The following ADGB variants were observed in gnomAD, a reference collection of about 807,000 sequenced individuals.
The protein encoded by ADGB is androglobin, also known as calpain-7-like protein.
Under a neutral mutation model 210.5 loss-of-function variants are expected in ADGB, and 172 were observed. That is an observed-to-expected ratio of 0.82 (90% CI 0.72 to 0.93). The LOEUF is 0.93. Among genes scored for constraint, ADGB ranks in the 40% least tolerant of loss-of-function variants. ADGB has a pLI of 0.00. For missense variants in ADGB, 2,025 were observed against 1,964.8 expected (o/e 1.03, Z -0.58); for synonymous variants, 658 against 662.7 (o/e 0.99, Z 0.11).
chr6:146,670,555 C>G (rs1775992757), intron 7 of ADGB, among the ~76,000 whole-genome samples: 1 of 152,188 alleles, frequency 6.6e-6, no homozygotes, highest in Non-Finnish European at 1.5e-5. Flanking sequence ...ACTCCTTAGA[C>G]AGGCCTAGTT....
At chr6:146,802,968 T>G (rs1411780341) in intron 35 of ADGB, 10 of 1,609,930 alleles carry the variant, frequency 6.2e-6, no homozygotes, top group East Asian at 2.2e-5. Context: ...CCACCACCTT[T>G]TAATGACTGC....
chr6:146,635,498 T>A lies in ADGB; in HGVS notation c.198T>A (p.Gly66=), dbSNP rs541248804. The A allele has an allele frequency of 3.9e-6, 6 of 1,547,496 alleles. No homozygotes were observed. The highest frequency in any genetic ancestry group is 8.7e-7 in the Non-Finnish European group (1 of 1,144,882). The part of the protein sequence containing the change: ...INSEKWDAGK[G]AKEKDKTGKS... Reference sequence around the variant, plus strand: ...CAGAAAAGTGGGATGCAGGCAAAGGTGCAAAAGAAAAGGACAAAACAGGAA... The same window carrying A: ...CAGAAAAGTGGGATGCAGGCAAAGGAGCAAAAGAAAAGGACAAAACAGGAA... Residue 66 remains glycine, a synonymous_variant, in exon 2 of 36, where the codon GGT becomes GGA. Coordinates refer to ENST00000397944, the MANE Select transcript of ADGB (RefSeq NM_024694.4).
intron 8 of ADGB, among the ~76,000 whole-genome samples, chr6:146,674,558 G>A (rs1169793515): frequency 6.6e-6 from 1 of 152,168 alleles, no homozygotes; most frequent in African/African-American, 2.4e-5. Flanking sequence ...AACGGGTTTG[G>A]TAGGAGAAGA....
chr6:146,624,756 A>G (rs1341957234), intron 1 of ADGB, among the ~76,000 whole-genome samples: 2 of 151,856 alleles, frequency 1.3e-5, no homozygotes, highest in African/African-American at 4.8e-5. Context: ...GTGGCATTCC[A>G]CAAATTTTAA....
chr6:146,779,538 A>G (rs967175567), intron 29 of ADGB, among the ~76,000 whole-genome samples: 2 of 152,198 alleles, frequency 1.3e-5, no homozygotes, highest in African/African-American at 2.4e-5. Context: ...AACTCTCTAA[A>G]GCAAGGAATC....
chr6:146,608,837 A>G (rs1304372247), intron 1 of ADGB, among the ~76,000 whole-genome samples: 1 of 151,986 alleles, frequency 6.6e-6, no homozygotes, highest in Non-Finnish European at 1.5e-5. Context: ...GGGAGAATGT[A>G]TTTTCTGTTT....
chr6:146,787,299 C>G (rs2114649718), intron 32 of ADGB, among the ~76,000 whole-genome samples: 1 of 152,272 alleles, frequency 6.6e-6, no homozygotes, highest in East Asian at 1.9e-4. Context: ...CTAAAGTCCT[C>G]CTCGTTTGTT....
chr6:146,708,027 T>C (rs1191869002), intron 13 of ADGB, among the ~76,000 whole-genome samples: 5 of 152,130 alleles, frequency 3.3e-5, no homozygotes, highest in Admixed American at 3.3e-4. Context: ...GCTTACATCT[T>C]ATGGCTGTAA....
At chr6:146,676,239 G>A in intron 8 of ADGB, 74 bp from the exon 9 acceptor site, 1 of 1,331,564 alleles carries the variant, frequency 7.5e-7, no homozygotes, top group Non-Finnish European at 9.9e-7. Context: ...TTTTCTTTAA[G>A]ACAATGACTG....
intron 35 of ADGB, among the ~76,000 whole-genome samples, chr6:146,808,590 T>C (rs1233046381): frequency 6.6e-6 from 1 of 152,252 alleles, no homozygotes; most frequent in Non-Finnish European, 1.5e-5. Context: ...ACACTTCTAA[T>C]TCATGACTAT....
chr6:146,647,112 C>A (rs9497588), intron 3 of ADGB, among the ~76,000 whole-genome samples: 1,706 of 128,836 alleles, frequency 0.013, 34 homozygotes, highest in African/African-American at 0.038. Flanking sequence ...AAACAAAAAA[C>A]AAAAAACAAA....
In ADGB at chr6:146,656,887, C is replaced by G; in HGVS notation, c.519C>G (p.Pro173=). 6.4e-7 allele frequency: 1 copy of G among 1,551,496 alleles called. No homozygotes were observed. Among genetic ancestry groups the G allele is most frequent in the Non-Finnish European group, 8.7e-7 (1 of 1,146,784 alleles). Residue 173 remains proline, a synonymous_variant, in exon 5 of 36, where the codon CCC becomes CCG. Coordinates refer to ENST00000397944, the MANE Select transcript of ADGB (RefSeq NM_024694.4). ...AACCTCCTCTTCTCCCCTGGAAGCC[C>G]TGGGAACACATATACTCTCTGTGCA... ...SGEPPLLPWK[P]WEHIYSLCKA... is the part of the protein sequence containing the mutation.
chr6:146,649,318 T>TA (rs1024472782), intron 3 of ADGB, among the ~76,000 whole-genome samples: 25 of 151,760 alleles, frequency 1.6e-4, no homozygotes, highest in East Asian at 3.9e-4. Context: ...TTATTTGTTT[T>TA]AAAAAAAAGT....
chr6:146,814,941 G>A, intron 35 of ADGB, 91 bp from the exon 36 acceptor site: 1 of 1,290,100 alleles, frequency 7.8e-7, no homozygotes, highest in Admixed American at 3.0e-5. Flanking sequence ...GTGGGCGTAA[G>A]GACAGGGTAA....
intron 8 of ADGB, among the ~76,000 whole-genome samples, chr6:146,675,315 A>G (rs1242824166): frequency 6.6e-6 from 1 of 152,072 alleles, no homozygotes; most frequent in African/African-American, 2.4e-5. Context: ...AAAAGAAAAG[A>G]AAAAGAAAAA....
chr6:146,719,365 C>A (rs189653688), intron 16 of ADGB, among the ~76,000 whole-genome samples: 146 of 152,212 alleles, frequency 9.6e-4, no homozygotes, highest in African/African-American at 3.4e-3. Flanking sequence ...TCATGATAAG[C>A]ACAGAATTTT....
intron 29 of ADGB, 62 bp from the exon 30 acceptor site, chr6:146,781,958 C>T (rs1777806667): frequency 1.6e-6 from 2 of 1,247,896 alleles, no homozygotes; most frequent in Non-Finnish European, 2.1e-6. Context: ...TCCCTTGTCC[C>T]CTGTGAAACC....
chr6:146,715,479 C>A, intron 14 of ADGB, 64 bp downstream of exon 14: 1 of 1,141,034 alleles, frequency 8.8e-7, no homozygotes, highest in Non-Finnish European at 1.2e-6. Context: ...GGCATCTCTG[C>A]TTCTTGACAG....
rs1403009094 is a variant in ADGB at position 146,649,997 on chromosome 6, A to T, written c.331-4138A>T. ...ATTATATATGTACACACACACAAAG[A>T]TCCAATAGTTTTTATCTAAGAACTC... On this transcript the variant is annotated intron_variant, in intron 3 of 35. Coordinates refer to ENST00000397944, the MANE Select transcript of ADGB (RefSeq NM_024694.4). 2.0e-5 allele frequency among the ~76,000 whole-genome samples: 3 copies of T among 152,158 alleles called. 1 individual carries two copies. The highest frequency in any genetic ancestry group is 4.4e-5 in the Non-Finnish European group (3 of 68,030).
Sources: allele counts gnomAD v4.1 joint callset (sites outside exome capture counted in the v4.1 genomes callset), GRCh38; gene constraint gnomAD v4.1.1; transcripts MANE v1.5; gene names NCBI Gene and HGNC (gene_info 2026-07-23, HGNC 2026-07-21).